AGPAT3: variants seen among roughly 807,000 people sequenced by gnomAD.
AGPAT3 encodes 1-acylglycerol-3-phosphate O-acyltransferase 3, also known as 1-acyl-sn-glycerol-3-phosphate acyltransferase gamma.
Under a neutral mutation model 47.3 loss-of-function variants are expected in AGPAT3, and 5 were observed. The observed-to-expected ratio is 0.11, with a 90% CI of 0.06 to 0.22. The LOEUF (loss-of-function observed/expected upper bound fraction) is 0.22. Among genes scored for constraint, AGPAT3 ranks in the 10% least tolerant of loss-of-function variants. The pLI, the probability that AGPAT3 is intolerant of heterozygous loss-of-function variation, is 1.00. For synonymous variants in AGPAT3, 212 were observed against 208.3 expected (o/e 1.02, Z -0.15); for missense variants, 315 against 493.0 (o/e 0.64, Z 3.42).
intron 1 of AGPAT3, among the ~76,000 whole-genome samples, chr21:43,885,003 G>A (rs1432991772): frequency 6.6e-6 from 1 of 152,240 alleles, no homozygotes; most frequent in Non-Finnish European, 1.5e-5. Context: ...ATGCCCCGTG[G>A]CATTCTCTTT....
intron 3 of AGPAT3, among the ~76,000 whole-genome samples, chr21:43,962,426 T>C (rs753599977): frequency 6.6e-6 from 1 of 152,148 alleles, no homozygotes; most frequent in Non-Finnish European, 1.5e-5. Flanking sequence ...GATGAATACA[T>C]ACAAAAAGGG....
At chr21:43,881,584 C>T (rs1366553938) in intron 1 of AGPAT3, among the ~76,000 whole-genome samples, 1 of 152,208 alleles carries the variant, frequency 6.6e-6, no homozygotes, top group African/African-American at 2.4e-5. Flanking sequence ...TAAGTGATCT[C>T]ATTCATATTC....
In AGPAT3 at chr21:43,982,240, C is replaced by A. The variant is rs2089880526; in HGVS notation, c.1043-64C>A. 5.5e-6 allele frequency: 7 copies of A among 1,265,286 alleles called. No homozygotes were observed. The highest frequency in any genetic ancestry group is 8.0e-6 in the Non-Finnish European group (7 of 873,564). The allele number at this position is 1,265,286 out of a possible 1,614,324, so 78.4% of individuals were successfully genotyped here. On this transcript the variant is annotated intron_variant, in intron 9 of 9. Transcript: ENST00000291572. This position sits in a 1 kb window ranked among gnomAD's most constrained non-coding sequence, Gnocchi z 6.2. Reference sequence around the variant, plus strand: ...GCAGAGGAAGGAAGCCCCAGTAACACGTTTTACAGCAAAAAGGCAAAGTCA... The same window carrying A: ...GCAGAGGAAGGAAGCCCCAGTAACAAGTTTTACAGCAAAAAGGCAAAGTCA...
At position 43,985,326 on chromosome 21, in the gene AGPAT3, G is replaced by GGTGGAAGAGATGAGCGCT. The variant is rs1463386425; in HGVS notation, c.*2936_*2953dup. ...TCCCTGTCCTCAGGAAGCGCAGTCT[G>GGTGGAAGAGATGAGCGCT]GTGGAAGAGATGAGCGCTGAACAAA... On this transcript the variant is annotated 3_prime_UTR_variant, in exon 10 of 10. Transcript: ENST00000291572. 2.4e-6 allele frequency: 1 copy of GGTGGAAGAGATGAGCGCT among 409,928 alleles called. No homozygotes were observed. The highest frequency in any genetic ancestry group is 2.1e-5 in the African/African-American group (1 of 48,694). 25.4% of individuals were successfully genotyped at this position (409,928 alleles called of 1,614,324 possible). A position where few individuals can be genotyped will look rare whatever the true frequency, so the allele number is the denominator to read the frequency against.
intron 1 of AGPAT3, among the ~76,000 whole-genome samples, chr21:43,876,340 C>G (rs1418481535): frequency 6.6e-6 from 1 of 152,248 alleles, no homozygotes; most frequent in African/African-American, 2.4e-5. Flanking sequence ...TCTGCTACCT[C>G]TTGCTCCCTG....
chr21:43,913,477 T>G (rs1293891169), intron 2 of AGPAT3, among the ~76,000 whole-genome samples: 1 of 152,040 alleles, frequency 6.6e-6, no homozygotes, highest in Non-Finnish European at 1.5e-5. Flanking sequence ...TACCAGCTAC[T>G]TGGGAGGCTG....
At position 43,947,252 on chromosome 21, in the gene AGPAT3, G is replaced by T. The variant is rs181259719; in HGVS notation, c.-48-12382G>T. ...CTTGGGGAAATAACTCTAGGACCCT[G>T]GTCTTTAGTTCCGATTCCCGGTGAG... On this transcript the variant is annotated intron_variant, in intron 2 of 9. Coordinates refer to ENST00000291572, the MANE Select transcript of AGPAT3 (RefSeq NM_020132.5). Among the ~76,000 whole-genome samples, 508 of 152,366 alleles carry T rather than the reference G, an allele frequency of 3.3e-3. 2 individuals carry two copies. Among genetic ancestry groups the T allele is most frequent in the South Asian group, 6.0e-3 (29 of 4,824 alleles).
intron 8 of AGPAT3, among the ~76,000 whole-genome samples, chr21:43,980,270 C>T (rs1206860048): frequency 7.6e-6 from 1 of 131,054 alleles, no homozygotes; most frequent in Non-Finnish European, 1.6e-5. Context: ...AGTGAGACTC[C>T]ATCTCAAAAA....
intron 3 of AGPAT3, among the ~76,000 whole-genome samples, chr21:43,964,248 G>A (rs895659191): frequency 6.6e-6 from 1 of 152,046 alleles, no homozygotes. Flanking sequence ...AGCCTGGCAT[G>A]GTGGTGGGCA....
chr21:43,911,012 C>T (rs185379574), intron 2 of AGPAT3, among the ~76,000 whole-genome samples: 3 of 152,188 alleles, frequency 2.0e-5, no homozygotes, highest in South Asian at 2.1e-4. Context: ...CATCCCACTC[C>T]GTTTCCTGGA....
chr21:43,987,379 G>T lies in AGPAT3; in HGVS notation c.*4987G>T, dbSNP rs1264454178. Among the ~76,000 whole-genome samples the T allele has an allele frequency of 6.6e-6, 1 of 152,156 alleles. No individual in the cohort carries two copies. The highest frequency in any genetic ancestry group is 2.4e-5 in the African/African-American group (1 of 41,438). ...AGCGGTCACCTGGCAAAAACACAGG[G>T]GAAATCAGCCAGTCCACAAAAATAC... On this transcript the variant is annotated 3_prime_UTR_variant, in exon 10 of 10. Transcript: ENST00000291572.
Position 43,954,544 on chromosome 21 carries a change from A to G in AGPAT3, c.-48-5090A>G, listed in dbSNP as rs1276959377. The G allele has an allele frequency of 1.3e-5, 2 of 152,288 alleles. No homozygotes were observed. The highest frequency in any genetic ancestry group is 2.9e-5 in the Non-Finnish European group (2 of 68,072). The allele number at this position is 152,288 out of a possible 1,614,324, so 9.4% of individuals were successfully genotyped here. ...TGATGAAGATGTGTTTTGACTCCGT[A>G]TCTAGGACCTCCAGGACGTAGAGGT... On this transcript the variant is annotated intron_variant, in intron 2 of 9. Coordinates refer to ENST00000291572, the MANE Select transcript of AGPAT3 (RefSeq NM_020132.5). The surrounding 1 kb of genome is among the most constrained non-coding windows in gnomAD (Gnocchi z 4.0).
chr21:43,916,698 C>G (rs2086737972), intron 2 of AGPAT3, among the ~76,000 whole-genome samples: 1 of 152,020 alleles, frequency 6.6e-6, no homozygotes, highest in African/African-American at 2.4e-5. Context: ...TGATTGGAGG[C>G]TTTTTGTATC....
At chr21:43,977,661 A>G (rs2089669838) in intron 7 of AGPAT3, among the ~76,000 whole-genome samples, 1 of 152,112 alleles carries the variant, frequency 6.6e-6, no homozygotes, top group South Asian at 2.1e-4. Flanking sequence ...GTGGATCACG[A>G]GGTCAAGAGA....
At chr21:43,940,368 TG>T (rs1453900701) in intron 2 of AGPAT3, among the ~76,000 whole-genome samples, 1 of 152,230 alleles carries the variant, frequency 6.6e-6, no homozygotes, top group East Asian at 1.9e-4. Context: ...TGGGCAGTCC[TG>T]GGGGCCTTTA....
intron 2 of AGPAT3, among the ~76,000 whole-genome samples, chr21:43,915,939 C>T (rs2086718678): frequency 1.3e-5 from 2 of 152,020 alleles, no homozygotes. Flanking sequence ...TTAAATTTTC[C>T]TCTAAAGCAC....
chr21:43,934,264 C>T lies in AGPAT3; in HGVS notation c.-48-25370C>T, dbSNP rs1569073507. 1.3e-5 allele frequency among the ~76,000 whole-genome samples: 2 copies of T among 152,266 alleles called. No homozygotes were observed. The highest frequency in any genetic ancestry group is 3.8e-4 in the East Asian group (2 of 5,200). ...CCCCCCAAGGACCAGCTCCCACACACCAGCCCTCTCACCGCGGTGTGCCTG... is the reference window on the plus strand; with the variant it reads ...CCCCCCAAGGACCAGCTCCCACACATCAGCCCTCTCACCGCGGTGTGCCTG... On this transcript the variant is annotated intron_variant, in intron 2 of 9. Transcript: ENST00000291572. This position sits in a 1 kb window ranked among gnomAD's most constrained non-coding sequence, Gnocchi z 4.7.
chr21:43,958,524 GGT>G (rs2088603389), intron 2 of AGPAT3, among the ~76,000 whole-genome samples: 1 of 151,314 alleles, frequency 6.6e-6, no homozygotes, highest in South Asian at 2.1e-4. Flanking sequence ...TGTCGTTTTT[GGT>G]GTGTGGTGTA....
intron 3 of AGPAT3, among the ~76,000 whole-genome samples, chr21:43,961,739 G>C (rs1011862053): frequency 1.3e-5 from 2 of 149,930 alleles, no homozygotes; most frequent in South Asian, 4.3e-4. Flanking sequence ...TATGGAAAAC[G>C]GTGAGCGCGT....
Sources: allele counts gnomAD v4.1 joint callset (sites outside exome capture counted in the v4.1 genomes callset), GRCh38; gene constraint gnomAD v4.1.1; non-coding constraint Gnocchi (gnomAD v3.1); transcripts MANE v1.5; gene names NCBI Gene and HGNC (gene_info 2026-07-23, HGNC 2026-07-21).